The following SHISA9 variants were observed in gnomAD, a reference collection of about 807,000 sequenced individuals.
The protein encoded by SHISA9 is shisa family member 9.
Under a neutral mutation model 38.0 loss-of-function variants are expected in SHISA9, and 13 were observed. The ratio of observed to expected loss-of-function variants is 0.34; its 90% CI spans 0.22 to 0.54. The LOEUF (loss-of-function observed/expected upper bound fraction) is 0.54, where lower values mean the gene tolerates loss of function less well. SHISA9 is among the 20% of genes least tolerant of loss of function. The pLI is 0.91. For synonymous variants in SHISA9, 275 were observed against 242.0 expected, an observed-to-expected ratio of 1.14 and a Z score of -1.27; for missense variants, 538 against 575.8, an observed-to-expected ratio of 0.93 and a Z score of 0.67.
intron 2 of SHISA9, among the ~76,000 whole-genome samples, chr16:13,022,162 A>G (rs371150173): frequency 6.6e-6 from 1 of 150,826 alleles, no homozygotes; most frequent in Non-Finnish European, 1.5e-5. Context: ...CTTACTTTTT[A>G]TTTTTTCAAG....
the SHISA9 span, among the ~76,000 whole-genome samples, chr16:13,432,296 C>T: frequency 2.0e-5 from 3 of 152,052 alleles, no homozygotes; most frequent in Non-Finnish European, 4.4e-5. Flanking sequence ...TGCCTGTTCC[C>T]CAGGAACACT....
At chr16:12,975,661 G>A (rs760021824) in intron 2 of SHISA9, among the ~76,000 whole-genome samples, 1 of 148,706 alleles carries the variant, frequency 6.7e-6, no homozygotes, top group African/African-American at 2.5e-5. Context: ...GGGGGCGGGG[G>A]GGGTAAGGGC....
At chr16:13,368,802 C>T in the SHISA9 span, among the ~76,000 whole-genome samples, 4 of 151,118 alleles carry the variant, frequency 2.6e-5, no homozygotes, top group African/African-American at 7.3e-5. Flanking sequence ...ATGTTTACTT[C>T]GACTTCAAAA....
At chr16:13,445,282 G>T in the SHISA9 span, among the ~76,000 whole-genome samples, 1 of 152,042 alleles carries the variant, frequency 6.6e-6, no homozygotes, top group Non-Finnish European at 1.5e-5. Flanking sequence ...TGCATCTCCA[G>T]CACCTAACAC....
intron 2 of SHISA9, among the ~76,000 whole-genome samples, chr16:13,066,010 A>G (rs1019261831): frequency 3.3e-5 from 5 of 152,200 alleles, no homozygotes; most frequent in Non-Finnish European, 7.3e-5. Flanking sequence ...AAGACCTTCA[A>G]TTTACCATCC....
chr16:12,934,537 A>G (rs529509235), intron 2 of SHISA9, among the ~76,000 whole-genome samples: 1 of 152,336 alleles, frequency 6.6e-6, no homozygotes, highest in South Asian at 2.1e-4. Context: ...TGTTCTGGAG[A>G]GAAGACTTTG....
chr16:13,282,951 G>A, the SHISA9 span, among the ~76,000 whole-genome samples: 1 of 151,952 alleles, frequency 6.6e-6, no homozygotes, highest in Non-Finnish European at 1.5e-5. Context: ...ATCACTGTTT[G>A]AAAATCTTTG....
intron 2 of SHISA9, among the ~76,000 whole-genome samples, chr16:13,056,163 G>A (rs567238153): frequency 4.8e-4 from 73 of 152,184 alleles, no homozygotes; most frequent in Non-Finnish European, 8.8e-4. Flanking sequence ...GGGGCCATGC[G>A]CTTAAATGGG....
the SHISA9 span, among the ~76,000 whole-genome samples, chr16:13,274,051 T>C: frequency 6.6e-6 from 1 of 152,202 alleles, no homozygotes; most frequent in South Asian, 2.1e-4. Flanking sequence ...TCTTCAGTTT[T>C]CTCACTTAGT....
At chr16:13,388,011 C>T in the SHISA9 span, among the ~76,000 whole-genome samples, 1 of 152,120 alleles carries the variant, frequency 6.6e-6, no homozygotes, top group East Asian at 1.9e-4. Flanking sequence ...AGCCGTGAAG[C>T]CTCTTCTACA....
intron 2 of SHISA9, among the ~76,000 whole-genome samples, chr16:13,160,077 AT>A (rs2050581894): frequency 6.6e-6 from 1 of 152,232 alleles, no homozygotes; most frequent in Non-Finnish European, 1.5e-5. Flanking sequence ...GTCAGGGAAG[AT>A]TGGGAAACTT....
At chr16:13,287,274 G>A in the SHISA9 span, among the ~76,000 whole-genome samples, 21 of 152,158 alleles carry the variant, frequency 1.4e-4, no homozygotes, top group African/African-American at 4.6e-4. Context: ...ATGAGAATGT[G>A]TTCAGTTTTG....
chr16:13,074,731 C>A (rs1471392167), intron 2 of SHISA9, among the ~76,000 whole-genome samples: 1 of 147,896 alleles, frequency 6.8e-6, no homozygotes, highest in Non-Finnish European at 1.5e-5. Flanking sequence ...ATGGTGGGAT[C>A]TCAGCTCACT....
At chr16:13,126,486 A>G (rs169444) in intron 2 of SHISA9, among the ~76,000 whole-genome samples, 11,024 of 148,498 alleles carry the variant, frequency 0.074, 439 homozygotes, top group Admixed American at 0.095. Context: ...AGGAAGGATG[A>G]GAGAGAAAGG....
intron 2 of SHISA9, among the ~76,000 whole-genome samples, chr16:13,160,648 A>C (rs1567231526): frequency 6.6e-6 from 1 of 152,142 alleles, no homozygotes. Flanking sequence ...CTGATGAGAA[A>C]ATTTTATTAT....
At chr16:13,526,343 C>G in the SHISA9 span, among the ~76,000 whole-genome samples, 6 of 152,136 alleles carry the variant, frequency 3.9e-5, no homozygotes, top group Non-Finnish European at 7.4e-5. Context: ...AGCCTCATGT[C>G]TTCTTGGAAT....
chr16:13,104,502 G>C (rs1157977595), intron 2 of SHISA9, among the ~76,000 whole-genome samples: 1 of 152,100 alleles, frequency 6.6e-6, no homozygotes, highest in African/African-American at 2.4e-5. Context: ...CCATATAATG[G>C]AATATAATTC....
In SHISA9 at chr16:12,958,861, C is replaced by T. The variant is rs1400024584; in HGVS notation, c.691+42046C>T. Reference sequence around the variant, plus strand: ...CTGCATAACAAATACTCCCCCCACCCCCAGGTCTCAGCACGTTACATCAAC... The same window carrying T: ...CTGCATAACAAATACTCCCCCCACCTCCAGGTCTCAGCACGTTACATCAAC... On this transcript the variant is annotated intron_variant, in intron 2 of 4. Coordinates refer to ENST00000558583, the MANE Select transcript of SHISA9 (RefSeq NM_001145204.3). 2.0e-5 allele frequency among the ~76,000 whole-genome samples: 3 copies of T among 152,150 alleles called. No individual in the cohort carries two copies. In the East Asian group the frequency reaches 5.8e-4, roughly 29 times the overall value.
chr16:13,384,786 T>A, the SHISA9 span, among the ~76,000 whole-genome samples: 1 of 152,242 alleles, frequency 6.6e-6, no homozygotes, highest in Non-Finnish European at 1.5e-5. Flanking sequence ...TTAAATACAT[T>A]TGGCATGAAT....
Sources: allele counts gnomAD v4.1 joint callset (sites outside exome capture counted in the v4.1 genomes callset), GRCh38; gene constraint gnomAD v4.1.1; transcripts MANE v1.5; gene names NCBI Gene and HGNC (gene_info 2026-07-23, HGNC 2026-07-21).